OLFM3: variants seen among roughly 807,000 people sequenced by gnomAD.
OLFM3 encodes the protein noelin-3.
Under a neutral mutation model 48.6 loss-of-function variants are expected in OLFM3, and 20 were observed. The observed-to-expected ratio is 0.41, with a 90% CI of 0.29 to 0.60. The LOEUF (loss-of-function observed/expected upper bound fraction) is 0.60, where lower values mean the gene tolerates loss of function less well. OLFM3 is among the 20% of genes least tolerant of loss of function. OLFM3 has a pLI of 0.28. For synonymous variants in OLFM3, 222 were observed against 198.1 expected (o/e 1.12, Z -1.01); for missense variants, 437 against 544.3 (o/e 0.80, Z 1.96).
At chr1:101,917,556 A>T (rs1658967180) in intron 1 of OLFM3, among the ~76,000 whole-genome samples, 1 of 152,070 alleles carries the variant, frequency 6.6e-6, no homozygotes, top group African/African-American at 2.4e-5. Context: ...AGCTGAGATA[A>T]CAGGCATGTG....
At chr1:101,946,136 T>G (rs1659956560) in intron 1 of OLFM3, among the ~76,000 whole-genome samples, 1 of 152,158 alleles carries the variant, frequency 6.6e-6, no homozygotes, top group South Asian at 2.1e-4. Context: ...TGCAGATCAC[T>G]GAGAAATACT....
intron 4 of OLFM3, among the ~76,000 whole-genome samples, chr1:101,807,107 CTTT>C (rs1653813315): frequency 6.6e-6 from 1 of 151,590 alleles, no homozygotes; most frequent in Non-Finnish European, 1.5e-5. Context: ...GCTTATCTTT[CTTT>C]TTTATTTATT....
chr1:101,965,982 C>G (rs1660597433), intron 1 of OLFM3, among the ~76,000 whole-genome samples: 1 of 152,022 alleles, frequency 6.6e-6, no homozygotes, highest in African/African-American at 2.4e-5. Context: ...GCCCAAAGTC[C>G]TAGTTTATTT....
chr1:101,813,133 C>CT (rs1365583108), intron 4 of OLFM3: 5 of 1,281,182 alleles, frequency 3.9e-6, no homozygotes, highest in Non-Finnish European at 5.1e-6. Flanking sequence ...CTTCTTTTCT[C>CT]TTTTTTAAAT....
At chr1:101,917,194 T>C (rs1436098331) in intron 1 of OLFM3, among the ~76,000 whole-genome samples, 2 of 152,218 alleles carry the variant, frequency 1.3e-5, no homozygotes, top group Non-Finnish European at 2.9e-5. Context: ...CAGTGATTAT[T>C]AATACTGTTC....
At chr1:101,992,471 G>T (rs1216691556) in intron 1 of OLFM3, among the ~76,000 whole-genome samples, 2 of 152,098 alleles carry the variant, frequency 1.3e-5, no homozygotes, top group African/African-American at 4.8e-5. Flanking sequence ...CATAATTACA[G>T]GTCCTTGCCA....
intron 1 of OLFM3, among the ~76,000 whole-genome samples, chr1:101,983,729 T>C (rs930767819): frequency 1.3e-5 from 2 of 152,244 alleles, no homozygotes; most frequent in African/African-American, 2.4e-5. Context: ...CTCAATTATT[T>C]GCAATTAAAT....
At chr1:101,879,364 G>C (rs1314423969) in intron 1 of OLFM3, among the ~76,000 whole-genome samples, 1 of 151,780 alleles carries the variant, frequency 6.6e-6, no homozygotes, top group Non-Finnish European at 1.5e-5. Context: ...ACATAAATGA[G>C]AAATTATTCC....
At chr1:101,821,111 T>C (rs1654588761) in intron 4 of OLFM3, among the ~76,000 whole-genome samples, 1 of 152,112 alleles carries the variant, frequency 6.6e-6, no homozygotes, top group African/African-American at 2.4e-5. Flanking sequence ...ACATCAGTTT[T>C]CTTCCCCAAG....
chr1:101,963,149 G>A (rs1660513287), intron 1 of OLFM3, among the ~76,000 whole-genome samples: 1 of 152,042 alleles, frequency 6.6e-6, no homozygotes, highest in Non-Finnish European at 1.5e-5. Context: ...AATGCTTCTG[G>A]GTCGCCCTAT....
chr1:101,848,966 G>A (rs1202432855), intron 1 of OLFM3, among the ~76,000 whole-genome samples: 1 of 152,120 alleles, frequency 6.6e-6, no homozygotes, highest in African/African-American at 2.4e-5. Flanking sequence ...ACAGTGCTCT[G>A]ATTTGCAAAT....
At chr1:101,967,590 G>GAAAAAAAAAA (rs71592233) in intron 1 of OLFM3, among the ~76,000 whole-genome samples, 7 of 44,584 alleles carry the variant, frequency 1.6e-4, no homozygotes, top group East Asian at 1.2e-3. Context: ...CCTAGTCAGT[G>GAAAAAAAAAA]AAAAAAAAAA....
rs1258604629 is a variant in OLFM3, at chr1:101,825,078, G to A, written c.540C>T (p.His180=). The change falls in exon 4 of 6, where the codon CAC becomes CAT. Residue 180 remains histidine, a synonymous_variant. Coordinates refer to ENST00000370103, the MANE Select transcript of OLFM3 (RefSeq NM_058170.4). ...EIGAYDYEEL[H]QRVLSLETRL... ...TTGTTTCCAAGCTCAGCACTCTTTG[G>A]TGTAGTTCCTCGTAGTCATAGGCAC... 1 of 1,614,060 alleles carries A rather than the reference G, an allele frequency of 6.2e-7. No individual in the cohort carries two copies.
intron 1 of OLFM3, among the ~76,000 whole-genome samples, chr1:101,950,983 A>T (rs1660127714): frequency 6.6e-6 from 1 of 152,214 alleles, no homozygotes; most frequent in Non-Finnish European, 1.5e-5. Flanking sequence ...TAGCAAAAAA[A>T]GAAAGAAAAT....
chr1:101,917,994 A>T (rs1658978683), intron 1 of OLFM3, among the ~76,000 whole-genome samples: 1 of 152,222 alleles, frequency 6.6e-6, no homozygotes, highest in African/African-American at 2.4e-5. Flanking sequence ...TTGATTAAAA[A>T]AAACCACATT....
intron 1 of OLFM3, among the ~76,000 whole-genome samples, chr1:101,956,435 T>C (rs1335134404): frequency 1.3e-5 from 2 of 151,818 alleles, no homozygotes; most frequent in African/African-American, 2.4e-5. Flanking sequence ...AAAAAATCCA[T>C]ACCTTTTTCA....
intron 1 of OLFM3, among the ~76,000 whole-genome samples, chr1:101,858,783 T>G (rs559838512): frequency 1.3e-4 from 20 of 152,072 alleles, no homozygotes; most frequent in Non-Finnish European, 2.9e-4. Flanking sequence ...CTCTGAGGCC[T>G]CCCCAGCCAT....
chr1:101,941,520 C>G (rs1659795222), intron 1 of OLFM3, among the ~76,000 whole-genome samples: 1 of 152,018 alleles, frequency 6.6e-6, no homozygotes, highest in Non-Finnish European at 1.5e-5. Context: ...ATGAATGAAG[C>G]TGGTGAGACA....
At chr1:101,976,157 T>C (rs977819558) in intron 1 of OLFM3, among the ~76,000 whole-genome samples, 1 of 152,236 alleles carries the variant, frequency 6.6e-6, no homozygotes, top group African/African-American at 2.4e-5. Flanking sequence ...GGTATTTTTG[T>C]TATTATTTTA....
Sources: allele counts gnomAD v4.1 joint callset (sites outside exome capture counted in the v4.1 genomes callset), GRCh38; gene constraint gnomAD v4.1.1; transcripts MANE v1.5; gene names NCBI Gene and HGNC (gene_info 2026-07-23, HGNC 2026-07-21).